The following HYDIN variants were observed in gnomAD, a reference collection of about 807,000 sequenced individuals.
The protein encoded by HYDIN is HYDIN axonemal central pair apparatus protein, also known as axonemal central pair apparatus protein HYDIN.
Under a neutral mutation model 403.9 loss-of-function variants are expected in HYDIN, and 132 were observed. That is an observed-to-expected ratio of 0.33 (90% confidence interval 0.28 to 0.38). The LOEUF (loss-of-function observed/expected upper bound fraction) is 0.38. Among genes scored for constraint, HYDIN ranks in the 10% least tolerant of loss-of-function variants. The probability of loss-of-function intolerance (pLI) is 1.00; values close to 1 mark genes in which losing one functional copy is unlikely to be tolerated. For missense variants in HYDIN, 2,827 were observed against 5,009.5 expected (o/e 0.56, Z 13.15); for synonymous variants, 1,202 against 1,891.7 (o/e 0.64, Z 9.46).
chr16:70,837,381 C>G (rs2037501489), intron 77 of HYDIN, among the ~76,000 whole-genome samples: 2 of 152,104 alleles, frequency 1.3e-5, no homozygotes, highest in African/African-American at 4.8e-5. Context: ...ACTTGGGGTG[C>G]TGAGTCTGAA....
intron 21 of HYDIN, among the ~76,000 whole-genome samples, chr16:71,020,941 C>T (rs7501310): frequency 6.6e-6 from 1 of 151,544 alleles, no homozygotes; most frequent in African/African-American, 2.4e-5. Flanking sequence ...AGAAGCCATG[C>T]TTCTGGATAG....
At chr16:71,035,973 A>T (rs1291638408) in intron 18 of HYDIN, among the ~76,000 whole-genome samples, 2 of 149,436 alleles carry the variant, frequency 1.3e-5, no homozygotes, top group African/African-American at 4.9e-5. Context: ...ATGCAGCCTA[A>T]CCCCAGTGGA....
intron 73 of HYDIN, among the ~76,000 whole-genome samples, chr16:70,854,329 G>C (rs1447445015): frequency 6.8e-6 from 1 of 147,178 alleles, no homozygotes; most frequent in East Asian, 2.0e-4. Flanking sequence ...CTGCCTCCTG[G>C]GTTCAAGTGA....
At chr16:71,177,660 T>C (rs1350715986) in intron 4 of HYDIN, among the ~76,000 whole-genome samples, 1 of 152,242 alleles carries the variant, frequency 6.6e-6, no homozygotes, top group African/African-American at 2.4e-5. Flanking sequence ...ATTTCTATTT[T>C]GTCTTATAGC....
At chr16:71,148,580 G>A (rs1279022961) in intron 7 of HYDIN, among the ~76,000 whole-genome samples, 6 of 151,874 alleles carry the variant, frequency 4.0e-5, no homozygotes, top group Admixed American at 3.9e-4. Context: ...CATAAATTTA[G>A]AAAATAAGCT....
At chr16:71,158,220 G>T (rs900036771) in intron 6 of HYDIN, among the ~76,000 whole-genome samples, 3 of 152,146 alleles carry the variant, frequency 2.0e-5, no homozygotes, top group East Asian at 1.9e-4. Context: ...TAACTTACTG[G>T]GGGAGTTTGG....
chr16:71,028,727 T>C (rs1163647670), intron 19 of HYDIN, among the ~76,000 whole-genome samples: 5 of 152,106 alleles, frequency 3.3e-5, no homozygotes, highest in Non-Finnish European at 7.4e-5. Flanking sequence ...AACCATGAAA[T>C]AAACAATCAG....
intron 21 of HYDIN, among the ~76,000 whole-genome samples, chr16:71,022,706 T>C (rs1373245409): frequency 2.0e-5 from 3 of 149,190 alleles, no homozygotes; most frequent in Non-Finnish European, 3.0e-5. Flanking sequence ...AAATGAAAAA[T>C]ACAGTAATAG....
At chr16:71,222,551 T>C (rs1177715267) in intron 1 of HYDIN, among the ~76,000 whole-genome samples, 1 of 152,118 alleles carries the variant, frequency 6.6e-6, no homozygotes, top group Non-Finnish European at 1.5e-5. Context: ...TGTCACTGTT[T>C]GCCAGTTATA....
chr16:71,133,144 C>T (rs2084779211), intron 8 of HYDIN: 1 of 423,792 alleles, frequency 2.4e-6, no homozygotes, highest in African/African-American at 2.1e-5. Flanking sequence ...GTACTCAAGG[C>T]CTGTAATCTG....
At chr16:71,049,398 G>A (rs1178067376) in intron 18 of HYDIN, among the ~76,000 whole-genome samples, 1 of 152,048 alleles carries the variant, frequency 6.6e-6, no homozygotes. Flanking sequence ...CTGAGGCCAA[G>A]CCACTGGCCA....
intron 9 of HYDIN, among the ~76,000 whole-genome samples, chr16:71,119,996 C>G (rs2084196660): frequency 6.6e-6 from 1 of 151,666 alleles, no homozygotes; most frequent in South Asian, 2.1e-4. Context: ...ATCAAAACAT[C>G]CAGAAATTTC....
chr16:70,944,512 G>A (rs1238224572), intron 41 of HYDIN, among the ~76,000 whole-genome samples: 1 of 152,130 alleles, frequency 6.6e-6, no homozygotes, highest in African/African-American at 2.4e-5. Context: ...TTCTGGGAGT[G>A]GACAGCAAGC....
chr16:71,002,679 A>ATTT (rs11427002), intron 23 of HYDIN, among the ~76,000 whole-genome samples: 1 of 130,760 alleles, frequency 7.6e-6, no homozygotes, highest in Non-Finnish European at 1.6e-5. Context: ...TTTGGAATTA[A>ATTT]TTTTTTTTTT....
intron 1 of HYDIN, among the ~76,000 whole-genome samples, chr16:71,200,677 G>T (rs1279915287): frequency 6.6e-6 from 1 of 152,138 alleles, no homozygotes; most frequent in African/African-American, 2.4e-5. Context: ...CTTCTCACTT[G>T]AAGAACACAA....
intron 83 of HYDIN, among the ~76,000 whole-genome samples, chr16:70,821,903 A>G (rs1030733909): frequency 6.6e-6 from 1 of 152,140 alleles, no homozygotes; most frequent in Admixed American, 6.5e-5. Context: ...GTTGAGACCT[A>G]CTGCTCAGAA....
chr16:71,096,510 T>G (rs2144392299), intron 10 of HYDIN, among the ~76,000 whole-genome samples: 1 of 152,272 alleles, frequency 6.6e-6, no homozygotes, highest in South Asian at 2.1e-4. Flanking sequence ...TTCTATATTT[T>G]GTCTCTGCAT....
intron 23 of HYDIN, among the ~76,000 whole-genome samples, chr16:70,998,131 C>T (rs890990496): frequency 9.9e-4 from 150 of 152,268 alleles, no homozygotes; most frequent in Non-Finnish European, 1.3e-3. Context: ...AATTATGTTT[C>T]GGGTACTTTG....
intron 3 of HYDIN, among the ~76,000 whole-genome samples, chr16:71,181,323 G>A (rs1031730494): frequency 6.6e-6 from 1 of 151,550 alleles, no homozygotes; most frequent in African/African-American, 2.4e-5. Flanking sequence ...TGCTATATCA[G>A]GTAGCACAAC....
Sources: allele counts gnomAD v4.1 joint callset (sites outside exome capture counted in the v4.1 genomes callset), GRCh38; gene constraint gnomAD v4.1.1; transcripts MANE v1.5; gene names NCBI Gene and HGNC (gene_info 2026-07-23, HGNC 2026-07-21).